Variants in ZBTB38 observed in about 807,000 individuals in gnomAD.
ZBTB38 encodes zinc finger and BTB domain containing 38.
In ZBTB38, 20 loss-of-function variants were observed where a neutral mutation model predicts 76.8. That is an observed-to-expected ratio of 0.26 (90% CI 0.18 to 0.38). The LOEUF (loss-of-function observed/expected upper bound fraction) is 0.38. Among genes scored for constraint, ZBTB38 ranks in the 10% least tolerant of loss-of-function variants. The pLI is 1.00. For synonymous variants in ZBTB38, 504 were observed against 544.2 expected (o/e 0.93, Z 1.03); for missense variants, 1,082 against 1,482.3 (o/e 0.73, Z 4.43).
chr3:141,355,960 T>G (rs527336837), intron 1 of ZBTB38, among the ~76,000 whole-genome samples: 1 of 152,184 alleles, frequency 6.6e-6, no homozygotes, highest in African/African-American at 2.4e-5. Flanking sequence ...TAAGAAGAAA[T>G]TCCCTTATCA....
Position 141,443,033 on chromosome 3 carries a change from C to T in ZBTB38, c.645C>T (p.Val215=). 1 of 1,614,266 alleles carries T rather than the reference C, an allele frequency of 6.2e-7. No homozygotes were observed. Among genetic ancestry groups the T allele is most frequent in the East Asian group, 2.2e-5 (1 of 44,886 alleles). The change falls in exon 6 of 6, where the codon GTC becomes GTT. Residue 215 remains valine (V), a synonymous_variant. Transcript: ENST00000321464. This position sits in a 1 kb window ranked among gnomAD's most constrained non-coding sequence, Gnocchi z 5.6. ...ACGTCTGCCACGAGGCAGAGCCTGT[C>T]CGCACACTTGCCGAGCACTCATACG... is the stretch of plus-strand genomic sequence containing the variant. The part of the protein sequence containing the change: ...RTDVCHEAEP[V]RTLAEHSYAV...
At chr3:141,435,249 G>T (rs1367574398) in intron 5 of ZBTB38, among the ~76,000 whole-genome samples, 5 of 152,096 alleles carry the variant, frequency 3.3e-5, no homozygotes, top group Non-Finnish European at 7.4e-5. Context: ...ATTTTTTAAG[G>T]TATAATCCCA....
At chr3:141,398,077 A>AT (rs556272193) in intron 4 of ZBTB38, among the ~76,000 whole-genome samples, 116 of 152,274 alleles carry the variant, frequency 7.6e-4, no homozygotes, top group African/African-American at 2.7e-3. Context: ...TCTCCTTTTG[A>AT]TTTTTTCCCA....
chr3:141,327,279 C>T (rs1020840105), intron 1 of ZBTB38, among the ~76,000 whole-genome samples: 2 of 152,084 alleles, frequency 1.3e-5, no homozygotes, highest in Non-Finnish European at 2.9e-5. Context: ...CCAAAGAGTA[C>T]AGCATGGAAA....
chr3:141,405,934 ACT>A (rs1559940235), intron 5 of ZBTB38, among the ~76,000 whole-genome samples: 1 of 152,144 alleles, frequency 6.6e-6, no homozygotes, highest in Non-Finnish European at 1.5e-5. Flanking sequence ...CAGTCAAGAG[ACT>A]CTTGAGAAAA....
intron 4 of ZBTB38, chr3:141,402,218 C>T (rs1952277028): frequency 6.6e-6 from 1 of 152,210 alleles, no homozygotes; most frequent in Non-Finnish European, 1.5e-5. Flanking sequence ...AGGCCTGGTC[C>T]TTGGCGCCGC....
chr3:141,373,489 C>A (rs1390548624), intron 2 of ZBTB38, among the ~76,000 whole-genome samples: 2 of 152,196 alleles, frequency 1.3e-5, no homozygotes, highest in Non-Finnish European at 2.9e-5. Context: ...TGTGCAAGCT[C>A]CTTTCTCCCC....
intron 1 of ZBTB38, among the ~76,000 whole-genome samples, chr3:141,347,930 A>T (rs972955052): frequency 1.2e-4 from 18 of 152,212 alleles, no homozygotes; most frequent in African/African-American, 4.3e-4. Flanking sequence ...TCCTTCTGTT[A>T]TAAATACATG....
intron 5 of ZBTB38, among the ~76,000 whole-genome samples, chr3:141,426,784 T>A (rs565780202): frequency 6.6e-6 from 1 of 152,288 alleles, no homozygotes; most frequent in South Asian, 2.1e-4. Context: ...AGCATGTCGG[T>A]AGTGCTTGAA....
chr3:141,443,703 A>C lies in ZBTB38; in HGVS notation c.1315A>C (p.Ser439Arg). ...LSENRIGEFSSTGSTLPDTDH... is the reference protein window; with the variant it reads ...LSENRIGEFSRTGSTLPDTDH... ...TGAAAATAGGATTGGTGAATTTTCC[A>C]GTACCGGAAGTACTTTGCCAGACAC... Residue 439 changes from serine (S) to arginine (R), a missense_variant, in exon 6 of 6, where the codon AGT becomes CGT. By Grantham distance (110) the Ser-to-Arg change is moderately radical (BLOSUM62 -1). Around this residue, in one of 8 missense-constraint regions of ZBTB38, gnomAD observed 324 missense variants for 359.1 expected, o/e 0.90. Coordinates refer to ENST00000321464, the MANE Select transcript of ZBTB38 (RefSeq NM_001376113.1). The surrounding 1 kb of genome is among the most constrained non-coding windows in gnomAD (Gnocchi z 5.6). The C allele has an allele frequency of 3.1e-6, 5 of 1,614,088 alleles. No homozygotes were observed. The South Asian group carries it at 5.5e-5, about 18-fold the overall frequency.
chr3:141,430,725 G>A (rs1301452610), intron 5 of ZBTB38, among the ~76,000 whole-genome samples: 4 of 152,104 alleles, frequency 2.6e-5, no homozygotes, highest in East Asian at 1.9e-4. Context: ...CTGGTGCCTC[G>A]TCCATTTTAG....
intron 5 of ZBTB38, chr3:141,434,301 C>A: frequency 1.4e-6 from 1 of 727,636 alleles, no homozygotes. Flanking sequence ...AACAGTTTCT[C>A]TCCTAAGGCT....
intron 1 of ZBTB38, among the ~76,000 whole-genome samples, chr3:141,369,142 G>A (rs1331429603): frequency 6.6e-6 from 1 of 152,048 alleles, no homozygotes; most frequent in Non-Finnish European, 1.5e-5. Context: ...TGTTTGTTCA[G>A]AGTTCTGGAT....
chr3:141,406,066 T>C (rs1203535869), intron 5 of ZBTB38, among the ~76,000 whole-genome samples: 1 of 151,760 alleles, frequency 6.6e-6, no homozygotes, highest in Non-Finnish European at 1.5e-5. Context: ...GGGAAAAGCA[T>C]CAAGTCCAAC....
At chr3:141,333,650 A>G (rs1942920520) in intron 1 of ZBTB38, among the ~76,000 whole-genome samples, 1 of 152,144 alleles carries the variant, frequency 6.6e-6, no homozygotes, top group Non-Finnish European at 1.5e-5. Flanking sequence ...TGCCAAGACA[A>G]GGGCAGTGTG....
chr3:141,369,310 C>T (rs1944200722), intron 1 of ZBTB38, among the ~76,000 whole-genome samples: 1 of 152,216 alleles, frequency 6.6e-6, no homozygotes, highest in African/African-American at 2.4e-5. Flanking sequence ...GCTGCCTTTA[C>T]TGAGCACGTT....
intron 5 of ZBTB38, among the ~76,000 whole-genome samples, chr3:141,415,217 G>A (rs2073702097): frequency 6.6e-6 from 1 of 152,050 alleles, no homozygotes. Context: ...AACCTTTTCT[G>A]GAATCTGTCC....
At chr3:141,429,316 G>A (rs115037602) in intron 5 of ZBTB38, among the ~76,000 whole-genome samples, 126 of 148,852 alleles carry the variant, frequency 8.5e-4, no homozygotes, top group Non-Finnish European at 1.4e-3. Flanking sequence ...ACGGCGGCAG[G>A]TTGCCTTTTG....
intron 5 of ZBTB38, among the ~76,000 whole-genome samples, chr3:141,423,365 C>T (rs1054160824): frequency 6.6e-5 from 10 of 152,136 alleles, no homozygotes; most frequent in African/African-American, 2.4e-4. Flanking sequence ...GAGTGAAAAG[C>T]AATAGAATGA....
Sources: gnomAD v4.1 joint callset for allele counts (sites outside exome capture counted in the v4.1 genomes callset) on GRCh38, gnomAD v4.1.1 for gene constraint, gnomAD v4.1.1 regional missense constraint, Gnocchi (gnomAD v3.1) non-coding constraint, MANE v1.5 for transcripts, NCBI Gene and HGNC (gene_info 2026-07-23, HGNC 2026-07-21) for gene names.